Variants in PRUNE2 observed in about 807,000 individuals in gnomAD.
PRUNE2 encodes protein prune homolog 2.
PRUNE2 carries 164 observed loss-of-function variants against 252.0 expected under a neutral mutation model. The ratio of observed to expected loss-of-function variants is 0.65; its 90% confidence interval spans 0.57 to 0.74. The LOEUF (loss-of-function observed/expected upper bound fraction) is 0.74, where lower values mean the gene tolerates loss of function less well. Ranked by LOEUF, PRUNE2 falls within the 30% of genes least tolerant of loss-of-function variation. The pLI, the probability that PRUNE2 is intolerant of heterozygous loss-of-function variation, is 0.00. For synonymous variants in PRUNE2, 1,292 were observed against 1,350.2 expected (o/e 0.96, Z 0.94); for missense variants, 3,495 against 3,711.0 (o/e 0.94, Z 1.51).
At chr9:76,621,442 G>A (rs1564338228) in intron 17 of PRUNE2, among the ~76,000 whole-genome samples, 1 of 152,188 alleles carries the variant, frequency 6.6e-6, no homozygotes, top group African/African-American at 2.4e-5. Context: ...ATTTTCAAAT[G>A]TGCAAATATA....
intron 6 of PRUNE2, among the ~76,000 whole-genome samples, chr9:76,765,330 A>T (rs138490895): frequency 1.3e-5 from 2 of 152,350 alleles, no homozygotes; most frequent in East Asian, 3.9e-4. Context: ...AGAAGGAAGT[A>T]GTCAATTGTT....
intron 15 of PRUNE2, among the ~76,000 whole-genome samples, chr9:76,634,452 A>G (rs1465527150): frequency 6.7e-6 from 1 of 148,574 alleles, no homozygotes; most frequent in Non-Finnish European, 1.5e-5. Flanking sequence ...TTATGAGTAT[A>G]TTTTTGCAAA....
intron 9 of PRUNE2, among the ~76,000 whole-genome samples, chr9:76,701,612 G>A (rs920785693): frequency 1.3e-5 from 2 of 152,058 alleles, no homozygotes; most frequent in Non-Finnish European, 2.9e-5. Context: ...ACGGATCTGG[G>A]GTCTCTCTGG....
chr9:76,770,155 A>G (rs1161531981), intron 6 of PRUNE2, among the ~76,000 whole-genome samples: 4 of 152,206 alleles, frequency 2.6e-5, no homozygotes, highest in Non-Finnish European at 5.9e-5. Flanking sequence ...TAATTTTACT[A>G]TAACATTTAT....
At chr9:76,679,921 T>C (rs989805768) in intron 9 of PRUNE2, among the ~76,000 whole-genome samples, 2 of 152,120 alleles carry the variant, frequency 1.3e-5, no homozygotes, top group Admixed American at 1.3e-4. Context: ...GCATAAAACA[T>C]AGAAGAAAAA....
At chr9:76,752,475 G>A (rs2050723896) in intron 6 of PRUNE2, among the ~76,000 whole-genome samples, 1 of 152,030 alleles carries the variant, frequency 6.6e-6, no homozygotes, top group African/African-American at 2.4e-5. Flanking sequence ...TTCTACAGAC[G>A]GGAAGCTCAT....
At chr9:76,904,952 TA>T (rs2063393873) in intron 1 of PRUNE2, among the ~76,000 whole-genome samples, 3 of 152,332 alleles carry the variant, frequency 2.0e-5, no homozygotes, top group Admixed American at 2.0e-4. Flanking sequence ...AACATTACCT[TA>T]ATGCAGACTT....
rs534976148 is a variant in PRUNE2, at chr9:76,634,252, CTGT to C, written c.9050+2216_9050+2218del. 1.3e-4 allele frequency among the ~76,000 whole-genome samples: 20 copies of C among 152,286 alleles called. No individual in the cohort carries two copies. The South Asian group carries it at 3.1e-3, about 24-fold the overall frequency. ...CACTGTTGCTATAATTTTATTATTA[CTGT>C]TGTTGTTATTATCTTGAAGCTCCCT... On this transcript the variant is annotated intron_variant, in intron 15 of 18. Transcript: ENST00000376718.
Position 76,705,532 on chromosome 9 carries a change from C to T in PRUNE2, c.6742G>A (p.Gly2248Ser), listed in dbSNP as rs776115377. ...THQEPTPEGD[G>S]SWISDSFSPE... ...GAAAAGCTGTCTGATATCCAAGAACCGTCACCTTCTGGAGTTGGCTCTTGG... is the reference window on the plus strand; with the variant it reads ...GAAAAGCTGTCTGATATCCAAGAACTGTCACCTTCTGGAGTTGGCTCTTGG... The change falls in exon 8 of 19, where the codon GGT becomes AGT. Residue 2248 changes from glycine (G) to serine (S), a missense_variant. Gly to Ser is a moderately conservative substitution (Grantham distance 56). Coordinates refer to ENST00000376718, the MANE Select transcript of PRUNE2 (RefSeq NM_015225.3). The T allele has an allele frequency of 1.4e-5, 23 of 1,613,890 alleles. No homozygotes were observed. The highest frequency in any genetic ancestry group is 4.5e-5 in the East Asian group (2 of 44,888).
At chr9:76,641,249 G>A (rs1432040409) in intron 12 of PRUNE2, among the ~76,000 whole-genome samples, 1 of 152,150 alleles carries the variant, frequency 6.6e-6, no homozygotes, top group African/African-American at 2.4e-5. Flanking sequence ...ATTTTGGGCA[G>A]AGAAGCTTTA....
At chr9:76,716,107 G>A (rs1474577754) in intron 6 of PRUNE2, among the ~76,000 whole-genome samples, 1 of 152,162 alleles carries the variant, frequency 6.6e-6, no homozygotes, top group Non-Finnish European at 1.5e-5. Context: ...TGAAACAAGA[G>A]GGGGCAGGTT....
chr9:76,878,536 C>A (rs970651672), intron 1 of PRUNE2, among the ~76,000 whole-genome samples: 4 of 152,144 alleles, frequency 2.6e-5, no homozygotes, highest in Admixed American at 6.5e-5. Flanking sequence ...GGCTAGATCA[C>A]CAACTTCAGA....
intron 1 of PRUNE2, among the ~76,000 whole-genome samples, chr9:76,894,298 G>A (rs2062676107): frequency 6.6e-6 from 1 of 152,192 alleles, no homozygotes; most frequent in Admixed American, 6.5e-5. Context: ...CCCATAGTTT[G>A]ACCAGGAGGT....
At position 76,732,364 on chromosome 9, in the gene PRUNE2, C is replaced by T. The variant is rs1191322093; in HGVS notation, c.757-18643G>A. Among the ~76,000 whole-genome samples the T allele has an allele frequency of 2.0e-5, 3 of 152,106 alleles. No individual in the cohort carries two copies. In the East Asian group the frequency reaches 5.8e-4, roughly 29 times the overall value. Reference sequence around the variant, plus strand: ...AAGAAAATTACACTTAAGATACATTCTTTGGGGAAAGGCAATCTTCTCTTT... The same window carrying T: ...AAGAAAATTACACTTAAGATACATTTTTTGGGGAAAGGCAATCTTCTCTTT... On this transcript the variant is annotated intron_variant, in intron 6 of 18. Coordinates refer to ENST00000376718, the MANE Select transcript of PRUNE2 (RefSeq NM_015225.3).
In PRUNE2 at chr9:76,707,642, A is replaced by G; in HGVS notation, c.4632T>C (p.Ser1544=). The change falls in exon 8 of 19, where the codon AGT becomes AGC. Residue 1544 remains serine, a synonymous_variant. Transcript: ENST00000376718. ...DTISSEYTHS[S]ASSPELNDSS... ...AGTCATTTAACTCAGGACTTGATGC[A>G]CTTGAATGAGTATACTCACTAGAAA... 6.2e-7 allele frequency: 1 copy of G among 1,613,914 alleles called. No homozygotes were observed. The highest frequency in any genetic ancestry group is 8.5e-7 in the Non-Finnish European group (1 of 1,179,852).
chr9:76,634,384 A>G (rs1839080794), intron 15 of PRUNE2, among the ~76,000 whole-genome samples: 1 of 152,194 alleles, frequency 6.6e-6, no homozygotes, highest in Non-Finnish European at 1.5e-5. Context: ...CTGTAGTTTG[A>G]GTTCCTAGGT....
intron 6 of PRUNE2, among the ~76,000 whole-genome samples, chr9:76,732,743 T>A (rs2048736420): frequency 6.6e-6 from 1 of 152,222 alleles, no homozygotes; most frequent in African/African-American, 2.4e-5. Context: ...CTGACAGCTC[T>A]GTCTGAGCTG....
chr9:76,705,847 C>T lies in PRUNE2; in HGVS notation c.6427G>A (p.Glu2143Lys). The change falls in exon 8 of 19, where the codon GAA (glutamate) becomes AAA (lysine). Residue 2143 changes from glutamate to lysine, a missense_variant. Coordinates refer to ENST00000376718, the MANE Select transcript of PRUNE2 (RefSeq NM_015225.3). ...CGTCCAGGCTCATAAATGGGTTCTT[C>T]ATCTATCTCTGGCTCAGTGAGACAA... Reference protein sequence around the residue: ...ELCLTEPEIDEEPIYEPGREF... With the variant: ...ELCLTEPEIDKEPIYEPGREF... 5 of 1,613,630 alleles carry T rather than the reference C, an allele frequency of 3.1e-6. No individual in the cohort carries two copies. Among genetic ancestry groups the T allele is most frequent in the Non-Finnish European group, 4.2e-6 (5 of 1,179,896 alleles).
intron 6 of PRUNE2, among the ~76,000 whole-genome samples, chr9:76,742,799 T>C (rs1239293789): frequency 6.6e-6 from 1 of 152,168 alleles, no homozygotes; most frequent in Non-Finnish European, 1.5e-5. Context: ...TGAGATACCA[T>C]TTTTACTATT....
Sources: allele counts gnomAD v4.1 joint callset (sites outside exome capture counted in the v4.1 genomes callset), GRCh38; gene constraint gnomAD v4.1.1; transcripts MANE v1.5; gene names NCBI Gene and HGNC (gene_info 2026-07-23, HGNC 2026-07-21).